The following RAB10 variants were observed in gnomAD, a reference collection of about 807,000 sequenced individuals.
The protein encoded by RAB10 is ras-related protein Rab-10.
A neutral mutation model predicts 25.7 loss-of-function variants in RAB10; 5 were observed. That is an observed-to-expected ratio of 0.19 (90% CI 0.10 to 0.41). The LOEUF is 0.41. Ranked by LOEUF, RAB10 falls within the 10% of genes least tolerant of loss-of-function variation. RAB10 has a pLI of 1.00. For synonymous variants in RAB10, 89 were observed against 86.4 expected (o/e 1.03, Z -0.16); for missense variants, 103 against 245.8 (o/e 0.42, Z 3.89).
chr2:26,036,000 A>G (rs939535534), intron 1 of RAB10, among the ~76,000 whole-genome samples: 3 of 152,090 alleles, frequency 2.0e-5, no homozygotes, highest in Admixed American at 6.6e-5. Flanking sequence ...AGAGTATCAT[A>G]CTGTTTTCTT....
intron 5 of RAB10, among the ~76,000 whole-genome samples, chr2:26,132,761 A>AC (rs35277441): frequency 0.62 from 78,492 of 127,604 alleles, 23,747 homozygotes; most frequent in East Asian, 0.68. Context: ...CGCAAGAGAT[A>AC]CCCCCCCCCC....
intron 1 of RAB10, among the ~76,000 whole-genome samples, chr2:26,059,704 G>A (rs1314440914): frequency 2.0e-5 from 3 of 152,180 alleles, no homozygotes; most frequent in Admixed American, 1.3e-4. Flanking sequence ...ATTCACAATA[G>A]CCAAGAGGTG....
intron 1 of RAB10, among the ~76,000 whole-genome samples, chr2:26,079,991 G>C (rs991672828): frequency 6.6e-5 from 10 of 152,154 alleles, no homozygotes; most frequent in Admixed American, 6.6e-4. Flanking sequence ...AGGAACTAGG[G>C]CCCCTGAAGA....
chr2:26,079,599 C>G (rs1425644949), intron 1 of RAB10, among the ~76,000 whole-genome samples: 1 of 148,490 alleles, frequency 6.7e-6, no homozygotes, highest in Non-Finnish European at 1.5e-5. Context: ...ACACTTAATG[C>G]CCAGATCTTG....
chr2:26,128,377 G>A (rs893040665), intron 5 of RAB10, among the ~76,000 whole-genome samples: 1 of 152,314 alleles, frequency 6.6e-6, no homozygotes. Context: ...GGACCGGTAA[G>A]AGTCCACAGC....
At chr2:26,035,400 G>A (rs1665744036) in intron 1 of RAB10, among the ~76,000 whole-genome samples, 1 of 152,174 alleles carries the variant, frequency 6.6e-6, no homozygotes, top group African/African-American at 2.4e-5. Context: ...GTGAAGTCAA[G>A]CTCTCTCTTC....
chr2:26,069,180 A>G (rs1400708453), intron 1 of RAB10, among the ~76,000 whole-genome samples: 4 of 152,140 alleles, frequency 2.6e-5, no homozygotes, highest in Non-Finnish European at 5.9e-5. Flanking sequence ...CTGCAGTAGA[A>G]CCATGGTTGA....
intron 1 of RAB10, among the ~76,000 whole-genome samples, chr2:26,084,984 A>G (rs1666946491): frequency 6.6e-6 from 1 of 152,176 alleles, no homozygotes; most frequent in Non-Finnish European, 1.5e-5. Context: ...TATTATCCCC[A>G]GTTACAACTA....
intron 3 of RAB10, among the ~76,000 whole-genome samples, chr2:26,126,841 T>C (rs1393890797): frequency 6.6e-6 from 1 of 152,208 alleles, no homozygotes; most frequent in Non-Finnish European, 1.5e-5. Context: ...TGGATTTAGA[T>C]TATGCAAGTT....
intron 1 of RAB10, among the ~76,000 whole-genome samples, chr2:26,062,566 T>TGAG (rs1321574318): frequency 2.0e-5 from 3 of 152,036 alleles, no homozygotes; most frequent in Non-Finnish European, 4.4e-5. Context: ...TAATCTCAGC[T>TGAG]ACTCGGGAGG....
rs552675221 is a variant in RAB10, at chr2:26,035,951, A to C, written c.127+1216A>C. 6.6e-5 allele frequency among the ~76,000 whole-genome samples: 10 copies of C among 152,260 alleles called. No individual in the cohort carries two copies. The South Asian group carries it at 2.1e-3, about 32-fold the overall frequency. The stretch of plus-strand genomic sequence containing the variant: ...TTTTAAATAGATTTTTATTTTGCTT[A>C]CCTTTTTTGGGAGGCAAATTATCAT... On this transcript the variant is annotated intron_variant, in intron 1 of 5. Coordinates refer to ENST00000264710, the MANE Select transcript of RAB10 (RefSeq NM_016131.5).
chr2:26,091,722 T>C (rs1213062870), intron 1 of RAB10, among the ~76,000 whole-genome samples: 1 of 152,064 alleles, frequency 6.6e-6, no homozygotes, highest in African/African-American at 2.4e-5. Flanking sequence ...AACTAGGGAA[T>C]GCGTCAAGAT....
intron 2 of RAB10, among the ~76,000 whole-genome samples, chr2:26,100,194 A>C (rs1667314421): frequency 6.6e-6 from 1 of 152,228 alleles, no homozygotes; most frequent in Non-Finnish European, 1.5e-5. Flanking sequence ...CCAGTCCAGC[A>C]GGTCAAATCC....
At chr2:26,086,327 C>T (rs1666987528) in intron 1 of RAB10, among the ~76,000 whole-genome samples, 1 of 152,100 alleles carries the variant, frequency 6.6e-6, no homozygotes, top group Non-Finnish European at 1.5e-5. Context: ...CAAAGACGTA[C>T]AAGTGATCAA....
Position 26,135,820 on chromosome 2 carries a change from C to G in RAB10, c.*799C>G, listed in dbSNP as rs890635117. On this transcript the variant is annotated 3_prime_UTR_variant, in exon 6 of 6. Transcript: ENST00000264710. ...TGCTGCTTTATTTGCTTCTCCCTCC[C>G]CAACCACCTCATGGTATATTTAAGA... 2.6e-5 allele frequency: 4 copies of G among 152,624 alleles called. No homozygotes were observed. The highest frequency in any genetic ancestry group is 4.4e-5 in the Non-Finnish European group (3 of 68,068). 9.5% of individuals were successfully genotyped at this position (152,624 alleles called of 1,614,324 possible).
chr2:26,052,415 T>C (rs1666158368), intron 1 of RAB10, among the ~76,000 whole-genome samples: 1 of 150,842 alleles, frequency 6.6e-6, no homozygotes, highest in Non-Finnish European at 1.5e-5. Flanking sequence ...GGTCTAAACA[T>C]GGGCAGGGCT....
At chr2:26,106,743 A>G (rs1266333872) in intron 2 of RAB10, among the ~76,000 whole-genome samples, 2 of 151,098 alleles carry the variant, frequency 1.3e-5, no homozygotes, top group Non-Finnish European at 2.9e-5. Flanking sequence ...AAAATTGTCC[A>G]GTGTGGTGGC....
intron 1 of RAB10, among the ~76,000 whole-genome samples, chr2:26,082,301 T>G (rs1269877889): frequency 1.3e-5 from 2 of 152,084 alleles, no homozygotes; most frequent in African/African-American, 2.4e-5. Flanking sequence ...ATTATGAGCC[T>G]TAGAGAAACT....
chr2:26,045,694 CTG>C (rs1248711323), intron 1 of RAB10, among the ~76,000 whole-genome samples: 9 of 152,074 alleles, frequency 5.9e-5, no homozygotes, highest in East Asian at 3.9e-4. Context: ...CCTGGGAAAA[CTG>C]TTTATTGAGA....
Sources: gnomAD v4.1 joint callset for allele counts (sites outside exome capture counted in the v4.1 genomes callset) on GRCh38, gnomAD v4.1.1 for gene constraint, MANE v1.5 for transcripts, NCBI Gene and HGNC (gene_info 2026-07-23, HGNC 2026-07-21) for gene names.